GALNS: variants seen among roughly 807,000 people sequenced by gnomAD.
GALNS encodes the protein galactosamine (N-acetyl)-6-sulfatase.
GALNS carries 65 observed loss-of-function variants against 65.9 expected under a neutral mutation model. The ratio of observed to expected loss-of-function variants is 0.99; its 90% CI spans 0.81 to 1.21. GALNS has a LOEUF of 1.21. Ranked by LOEUF, GALNS falls within the 50% of genes most tolerant of loss-of-function variation. GALNS has a pLI of 0.00. For synonymous variants in GALNS, 346 were observed against 288.9 expected (o/e 1.20, Z -2.00); for missense variants, 776 against 700.7 (o/e 1.11, Z -1.21).
intron 8 of GALNS, among the ~76,000 whole-genome samples, chr16:88,832,670 TG>T (rs1277379006): frequency 2.6e-5 from 4 of 151,690 alleles, no homozygotes; most frequent in Non-Finnish European, 4.4e-5. Flanking sequence ...AAGAAGGGGG[TG>T]GGGGGCCCAC....
At chr16:88,836,313 A>G in intron 5 of GALNS, 46 bp from the exon 6 acceptor site, 1 of 1,481,932 alleles carries the variant, frequency 6.7e-7, no homozygotes, top group African/African-American at 1.4e-5. Flanking sequence ...TTAGGCCAAG[A>G]AAGTCCCGTT....
intron 13 of GALNS, chr16:88,815,743 T>A: frequency 2.0e-6 from 2 of 985,442 alleles, no homozygotes; most frequent in Non-Finnish European, 2.4e-6. Flanking sequence ...GCAGCAGGGA[T>A]GCCGCATGAG....
intron 10 of GALNS, 37 bp downstream of exon 10, chr16:88,826,665 G>A (rs1910954922): frequency 6.2e-7 from 1 of 1,602,502 alleles, no homozygotes; most frequent in East Asian, 2.2e-5. Flanking sequence ...TCACTACTTG[G>A]ATCGGGGGAA....
At chr16:88,819,645 G>C (rs1176623821) in intron 12 of GALNS, among the ~76,000 whole-genome samples, 1 of 152,150 alleles carries the variant, frequency 6.6e-6, no homozygotes, top group African/African-American at 2.4e-5. Context: ...CGATCTTCCT[G>C]CCTCAGTCTC....
At chr16:88,825,759 G>A (rs1204050497) in intron 10 of GALNS, among the ~76,000 whole-genome samples, 1 of 152,096 alleles carries the variant, frequency 6.6e-6, no homozygotes, top group Non-Finnish European at 1.5e-5. Context: ...GTCAGGAACG[G>A]GGAGTGGGGG....
chr16:88,849,751 A>C (rs1354292580), intron 1 of GALNS, among the ~76,000 whole-genome samples: 1 of 152,170 alleles, frequency 6.6e-6, no homozygotes, highest in African/African-American at 2.4e-5. Flanking sequence ...GAAGTCACTG[A>C]AATGGCTTTT....
At chr16:88,816,274 G>A in intron 13 of GALNS, 1 of 985,448 alleles carries the variant, frequency 1.0e-6, no homozygotes, top group Non-Finnish European at 1.2e-6. Flanking sequence ...CGCCCGTGGA[G>A]CCACTGCAGC....
In GALNS at chr16:88,824,845, G is replaced by T. The variant is rs752339162; in HGVS notation, c.1164C>A (p.Asp388Glu). 3 of 1,613,392 alleles carry T rather than the reference G, an allele frequency of 1.9e-6. No individual in the cohort carries two copies. Among genetic ancestry groups the T allele is most frequent in the Admixed American group, 3.3e-5 (2 of 60,030 alleles). Residue 388 changes from aspartate (D) to glutamate (E), a missense_variant, in exon 11 of 14, where the codon GAC becomes GAA. Asp to Glu is a conservative substitution (Grantham distance 45). Transcript: ENST00000268695. ...MDRPIFYYRG[D>E]TLMAATLGQH... ...GCCCGAGGGTGGCCGCCATCAGCGT[G>T]TCGCCACGGTAATAGAAGATAGGCC...
intron 1 of GALNS, among the ~76,000 whole-genome samples, chr16:88,854,351 C>T (rs547711908): frequency 2.4e-4 from 36 of 152,326 alleles, no homozygotes; most frequent in African/African-American, 7.9e-4. Flanking sequence ...CTGTGAGGAC[C>T]CCCTTGCACC....
rs578045558 is a variant in GALNS, at chr16:88,816,975, G to A, written c.1482+1032C>T. On this transcript the variant is annotated intron_variant, in intron 13 of 13. Coordinates refer to ENST00000268695, the MANE Select transcript of GALNS (RefSeq NM_000512.5). ...GGGCTCGGCCATCTCCACTGTGCTC[G>A]GTGGGCTCTGGGCACCCAGGAGCGA... 8.7e-5 allele frequency: 86 copies of A among 985,452 alleles called. No homozygotes were observed. The Middle Eastern group carries it at 2.1e-3, about 24-fold the overall frequency. 61.0% of individuals were successfully genotyped at this position (985,452 alleles called of 1,614,324 possible). A position where few individuals can be genotyped will look rare whatever the true frequency, so the allele number is the denominator to read the frequency against.
At chr16:88,825,272 G>A (rs60830021) in intron 10 of GALNS, among the ~76,000 whole-genome samples, 5 of 129,540 alleles carry the variant, frequency 3.9e-5, no homozygotes, top group African/African-American at 2.0e-4. Context: ...GTGCCTGGGT[G>A]TTTGGGCAGC....
intron 2 of GALNS, chr16:88,842,226 C>T: frequency 1.7e-6 from 1 of 602,754 alleles, no homozygotes; most frequent in South Asian, 1.8e-5. Flanking sequence ...CCTCCTTTCG[C>T]AGGCTCCTGG....
At chr16:88,819,725 G>A (rs114539208) in intron 12 of GALNS, among the ~76,000 whole-genome samples, 3,325 of 152,118 alleles carry the variant, frequency 0.022, 104 homozygotes, top group African/African-American at 0.077. Context: ...AGAGAGTCTC[G>A]CGCTGTCACC....
At chr16:88,829,122 G>A (rs948738733) in intron 9 of GALNS, among the ~76,000 whole-genome samples, 2 of 151,568 alleles carry the variant, frequency 1.3e-5, no homozygotes, top group Admixed American at 6.6e-5. Context: ...TCATGCCAAC[G>A]TCTCCCAGAG....
At chr16:88,851,496 A>G (rs1967506622) in intron 1 of GALNS, among the ~76,000 whole-genome samples, 1 of 152,084 alleles carries the variant, frequency 6.6e-6, no homozygotes, top group African/African-American at 2.4e-5. Context: ...GGTTCATCCT[A>G]CTGGGACTGG....
chr16:88,840,737 G>A (rs1019665837), intron 4 of GALNS: 6 of 525,940 alleles, frequency 1.1e-5, no homozygotes, highest in South Asian at 4.0e-5. Context: ...GAGGGATGAC[G>A]GTGACAGGCC....
At chr16:88,822,805 C>T (rs772757609) in intron 11 of GALNS, 95 bp from the exon 12 acceptor site, 108 of 1,529,698 alleles carry the variant, frequency 7.1e-5, no homozygotes, top group East Asian at 2.5e-4. Flanking sequence ...TGACTGCGGC[C>T]GTGAGGGGCC....
chr16:88,833,751 C>G (rs1911772591), intron 8 of GALNS, among the ~76,000 whole-genome samples: 1 of 152,184 alleles, frequency 6.6e-6, no homozygotes, highest in African/African-American at 2.4e-5. Flanking sequence ...CGCCCAGCCC[C>G]CTCCCCTGCT....
intron 1 of GALNS, chr16:88,854,979 A>C (rs1032666951): frequency 1.2e-5 from 4 of 334,434 alleles, no homozygotes; most frequent in African/African-American, 8.8e-5. Flanking sequence ...GCTTCCTGTC[A>C]CCCTCCCCCA....
Sources: gnomAD v4.1 joint callset for allele counts (sites outside exome capture counted in the v4.1 genomes callset) on GRCh38, gnomAD v4.1.1 for gene constraint, MANE v1.5 for transcripts, NCBI Gene and HGNC (gene_info 2026-07-23, HGNC 2026-07-21) for gene names.